The following RACK1 variants were observed in gnomAD, a reference collection of about 807,000 sequenced individuals.
The protein encoded by RACK1 is receptor for activated C kinase 1, also known as small ribosomal subunit protein RACK1.
In RACK1, 3 loss-of-function variants were observed where a neutral mutation model predicts 42.2. That is an observed-to-expected ratio of 0.07 (90% confidence interval 0.03 to 0.18). The LOEUF is 0.18. Ranked by LOEUF, RACK1 falls within the 10% of genes least tolerant of loss-of-function variation. The pLI is 1.00. For missense variants in RACK1, 146 were observed against 403.2 expected (o/e 0.36, Z 5.46); for synonymous variants, 181 against 154.8 (o/e 1.17, Z -1.25).
rs754170527 is a variant in RACK1, at chr5:181,243,824, C to G, written c.-24G>C. 1.3e-6 allele frequency: 2 copies of G among 1,585,972 alleles called. No individual in the cohort carries two copies. Among genetic ancestry groups the G allele is most frequent in the Admixed American group, 3.6e-5 (2 of 55,208 alleles). ...ATGGCGGCGGCGAGAGCGTGTGTCGCTGCAGCGACGAGGATGGCACTGGAT... is the reference window on the plus strand; with the variant it reads ...ATGGCGGCGGCGAGAGCGTGTGTCGGTGCAGCGACGAGGATGGCACTGGAT... On this transcript the variant is annotated 5_prime_UTR_variant, in exon 1 of 8. Transcript: ENST00000512805.
chr5:181,239,647 C>T (rs1035491603), intron 3 of RACK1, 65 bp from the exon 4 acceptor site: 12 of 1,012,914 alleles, frequency 1.2e-5, no homozygotes, highest in Non-Finnish European at 1.5e-5. Context: ...GACCTCCCAG[C>T]CCTACCCCTC....
intron 5 of RACK1, 110 bp from the exon 6 acceptor site, chr5:181,238,349 G>A: frequency 8.7e-7 from 1 of 1,153,958 alleles, no homozygotes. Context: ...ATTACCCCAG[G>A]CTTCTTTGAA....
chr5:181,236,925 A>AAAG lies in RACK1; in HGVS notation c.*49_*51dup. The AAAG allele has an allele frequency of 1.3e-6, 2 of 1,554,490 alleles. No homozygotes were observed. Among genetic ancestry groups the AAAG allele is most frequent in the Non-Finnish European group, 1.7e-6 (2 of 1,158,336 alleles). ...TTTGCATATAAGAAAAAAAAACCTAAAAGTCAGAAAAGCCAGTTTTTTTTT... is the reference window on the plus strand; with the variant it reads ...TTTGCATATAAGAAAAAAAAACCTAAAAGAAGTCAGAAAAGCCAGTTTTTTTTT... On this transcript the variant is annotated 3_prime_UTR_variant, in exon 8 of 8. Coordinates refer to ENST00000512805, the MANE Select transcript of RACK1 (RefSeq NM_006098.5).
intron 3 of RACK1, chr5:181,241,289 C>T (rs925525729): frequency 3.8e-6 from 2 of 529,730 alleles, no homozygotes; most frequent in African/African-American, 1.9e-5. Flanking sequence ...ATTAGCTAGG[C>T]GTGGTGGCTG....
chr5:181,241,371 A>G, intron 3 of RACK1, 121 bp downstream of exon 3: 1 of 823,040 alleles, frequency 1.2e-6, no homozygotes, highest in South Asian at 1.7e-5. Context: ...CAGAGGTTGC[A>G]GTGAGCCGAG....
intron 3 of RACK1, 100 bp downstream of exon 3, chr5:181,241,392 T>C (rs538628509): frequency 1.9e-6 from 2 of 1,056,786 alleles, no homozygotes; most frequent in African/African-American, 1.8e-5. Context: ...ACTGCGCCAC[T>C]GCACTCCAGC....
At chr5:181,238,805 A>C (rs980397778) in intron 5 of RACK1, 1 of 446,868 alleles carries the variant, frequency 2.2e-6, no homozygotes, top group Non-Finnish European at 4.1e-6. Context: ...TCTCAAAAAA[A>C]AAACAAAAAA....
chr5:181,242,530 A>C, intron 1 of RACK1, 185 bp from the exon 2 acceptor site: 1 of 681,466 alleles, frequency 1.5e-6, no homozygotes, highest in Admixed American at 2.1e-5. Context: ...CCAGACTAAA[A>C]ACGCACGTAG....
intron 3 of RACK1, among the ~76,000 whole-genome samples, chr5:181,240,639 CAATCTGCGATCCCA>C (rs1248819031): frequency 8.5e-5 from 13 of 152,126 alleles, no homozygotes; most frequent in Middle Eastern, 6.8e-3. Flanking sequence ...ATCCAGCCCC[CAATCTGCGATCCCA>C]AATCTGCGAT....
chr5:181,241,292 G>A (rs1759334794), intron 3 of RACK1, 200 bp downstream of exon 3: 1 of 539,274 alleles, frequency 1.9e-6, no homozygotes, highest in Non-Finnish European at 3.3e-6. Flanking sequence ...AGCTAGGCGT[G>A]GTGGCTGCGC....
chr5:181,238,171 G>C lies in RACK1; in HGVS notation c.705C>G (p.Ile235Met), dbSNP rs746445861. ...KHLYTLDGGD[I>M]INALCFSPNR... ...TAGGGCTGAAGCACAGGGCGTTGAT[G>C]ATGTCCCCACCATCTAGCGTGTAAA... The change falls in exon 6 of 8, where the codon ATC (isoleucine) becomes ATG (methionine). Residue 235 changes from isoleucine to methionine, a missense_variant. Transcript: ENST00000512805. 8 of 1,613,986 alleles carry C rather than the reference G, an allele frequency of 5.0e-6. No homozygotes were observed. The highest frequency in any genetic ancestry group is 6.8e-6 in the Non-Finnish European group (8 of 1,179,970).
chr5:181,237,974 G>A (rs1261962484), intron 6 of RACK1, 125 bp downstream of exon 6: 2 of 1,025,284 alleles, frequency 2.0e-6, no homozygotes, highest in Non-Finnish European at 3.0e-6. Flanking sequence ...AGACCAAAAT[G>A]TCATTACGTG....
Position 181,238,095 on chromosome 5 carries a change from T to A in RACK1, c.777+4A>T. 1 of 1,614,006 alleles carries A rather than the reference T, an allele frequency of 6.2e-7. No homozygotes were observed. Among genetic ancestry groups the A allele is most frequent in the Non-Finnish European group, 8.5e-7 (1 of 1,179,926 alleles). On this transcript the variant is annotated splice_donor_region_variant and intron_variant, in intron 6 of 7. Transcript: ENST00000512805. Reference sequence around the variant, plus strand: ...GTACCCAGTCAATTGTAACCCACACTCACCCAGATCTTGATGCTGGGGCCT... The same window carrying A: ...GTACCCAGTCAATTGTAACCCACACACACCCAGATCTTGATGCTGGGGCCT...
intron 1 of RACK1, chr5:181,242,869 G>A (rs1759403601): frequency 9.1e-6 from 3 of 329,228 alleles, no homozygotes; most frequent in South Asian, 7.0e-5. Context: ...TGTATCCTGA[G>A]AACTTAATTT....
At chr5:181,241,434 A>AAAAAAG in intron 3 of RACK1, 58 bp downstream of exon 3, 1 of 1,491,248 alleles carries the variant, frequency 6.7e-7, no homozygotes, top group South Asian at 1.3e-5. Flanking sequence ...GCCAAAAAAA[A>AAAAAAG]AAAAAAAAAG....
chr5:181,242,432 G>T, intron 1 of RACK1, 87 bp from the exon 2 acceptor site: 1 of 896,770 alleles, frequency 1.1e-6, no homozygotes. Flanking sequence ...TCAAGGTCAT[G>T]AGTGGGTTAA....
Position 181,236,920 on chromosome 5 carries a change from A to C in RACK1, c.*57T>G, listed in dbSNP as rs568886432. 498 of 1,550,966 alleles carry C rather than the reference A, an allele frequency of 3.2e-4. No individual in the cohort carries two copies. Among genetic ancestry groups the C allele is most frequent in the Admixed American group, 4.5e-4 (20 of 44,870 alleles). On this transcript the variant is annotated 3_prime_UTR_variant, in exon 8 of 8. Coordinates refer to ENST00000512805, the MANE Select transcript of RACK1 (RefSeq NM_006098.5). ...GCTTTTTTGCATATAAGAAAAAAAA[A>C]CCTAAAAGTCAGAAAAGCCAGTTTT...
intron 1 of RACK1, chr5:181,242,947 C>G: frequency 6.0e-6 from 2 of 333,824 alleles, no homozygotes; most frequent in Non-Finnish European, 1.2e-5. Context: ...TGTGTCTTCT[C>G]TGCAACCAAA....
At chr5:181,238,326 T>C in intron 5 of RACK1, 87 bp from the exon 6 acceptor site, 3 of 1,394,820 alleles carry the variant, frequency 2.2e-6, no homozygotes, top group Non-Finnish European at 2.0e-6. Flanking sequence ...GAATCAATTC[T>C]TACCTTTCCT....
Sources: gnomAD v4.1 joint callset for allele counts (sites outside exome capture counted in the v4.1 genomes callset) on GRCh38, gnomAD v4.1.1 for gene constraint, MANE v1.5 for transcripts, NCBI Gene and HGNC (gene_info 2026-07-23, HGNC 2026-07-21) for gene names.